The following ABCA1 variants were observed in gnomAD, a reference collection of about 807,000 sequenced individuals.
The protein encoded by ABCA1 is ATP binding cassette subfamily A member 1, also known as phospholipid-transporting ATPase ABCA1.
In ABCA1, 133 loss-of-function variants were observed where a neutral mutation model predicts 262.5. The observed-to-expected ratio is 0.51, with a 90% CI of 0.44 to 0.59. The LOEUF (loss-of-function observed/expected upper bound fraction) is 0.59, where lower values mean the gene tolerates loss of function less well. Among genes scored for constraint, ABCA1 ranks in the 20% least tolerant of loss-of-function variants. The pLI, the probability that ABCA1 is intolerant of heterozygous loss-of-function variation, is 0.00. For missense variants in ABCA1, 2,452 were observed against 2,777.5 expected, an observed-to-expected ratio of 0.88 and a Z score of 2.63; for synonymous variants, 1,022 against 1,043.5, an observed-to-expected ratio of 0.98 and a Z score of 0.40.
In ABCA1 at chr9:104,882,981, T is replaced by C; in HGVS notation, c.421+58A>G. ...GCCCCAGACACCTGGGCTACTCTCT[T>C]TCCCTGGTGCAGGTCAATTTCCAAT... On this transcript the variant is annotated intron_variant, in intron 5 of 49. Coordinates refer to ENST00000374736, the MANE Select transcript of ABCA1 (RefSeq NM_005502.4). The C allele has an allele frequency of 2.8e-6, 4 of 1,435,184 alleles. No homozygotes were observed. The South Asian group carries it at 3.4e-5, about 12-fold the overall frequency. The allele number at this position is 1,435,184 out of a possible 1,614,324, so 88.9% of individuals were successfully genotyped here.
intron 6 of ABCA1, among the ~76,000 whole-genome samples, chr9:104,859,622 C>T (rs1367792670): frequency 1.3e-5 from 2 of 152,202 alleles, no homozygotes; most frequent in African/African-American, 2.4e-5. Flanking sequence ...TACTGCAGAA[C>T]ATTTGGCCTA....
chr9:104,903,755 C>T lies in ABCA1; in HGVS notation c.-76G>A. ...GCGGCCAGAGCTCACAGCAGGGACG[C>T]CGTGGCTGGTCATTAACTGAAAGAT... On this transcript the variant is annotated 5_prime_UTR_variant, in exon 2 of 50. Coordinates refer to ENST00000374736, the MANE Select transcript of ABCA1 (RefSeq NM_005502.4). The T allele has an allele frequency of 1.5e-6, 2 of 1,344,604 alleles. No individual in the cohort carries two copies. The highest frequency in any genetic ancestry group is 2.1e-6 in the Non-Finnish European group (2 of 972,358). 83.3% of individuals were successfully genotyped at this position (1,344,604 alleles called of 1,614,324 possible).
At chr9:104,886,124 T>C (rs533625667) in intron 3 of ABCA1, among the ~76,000 whole-genome samples, 2 of 152,302 alleles carry the variant, frequency 1.3e-5, no homozygotes, top group South Asian at 2.1e-4. Context: ...AATGAGCCTA[T>C]GAGGATTTTC....
intron 5 of ABCA1, among the ~76,000 whole-genome samples, chr9:104,862,649 C>A (rs186086881): frequency 0.38 from 4,306 of 11,308 alleles, 875 homozygotes; most frequent in Middle Eastern, 0.5. Context: ...CGGGCCGGGC[C>A]GGGCCGGGCC....
intron 39 of ABCA1, among the ~76,000 whole-genome samples, 186 bp from the exon 40 acceptor site, chr9:104,794,696 T>C (rs1385772315): frequency 6.6e-6 from 1 of 152,172 alleles, no homozygotes; most frequent in Non-Finnish European, 1.5e-5. Context: ...GCATAGCTGA[T>C]GATATGTAGC....
chr9:104,817,248 C>T lies in ABCA1; in HGVS notation c.3535+84G>A, dbSNP rs1831855412. On this transcript the variant is annotated intron_variant, in intron 24 of 49. Transcript: ENST00000374736. The surrounding 1 kb of genome is among the most constrained non-coding windows in gnomAD (Gnocchi z 4.7). ...AACCTTGAGTCAGCGCCACCAGCCT[C>T]TGCACCTCTCCTCCTCTGCCTCCAC... is the stretch of plus-strand genomic sequence containing the variant. The T allele has an allele frequency of 4.3e-6, 7 of 1,611,336 alleles. No individual in the cohort carries two copies. Among genetic ancestry groups the T allele is most frequent in the Non-Finnish European group, 5.9e-6 (7 of 1,179,116 alleles).
chr9:104,795,590 G>C (rs571616631), intron 39 of ABCA1, among the ~76,000 whole-genome samples: 2 of 152,186 alleles, frequency 1.3e-5, no homozygotes, highest in Non-Finnish European at 2.9e-5. Flanking sequence ...ACATATCCAG[G>C]TTGGGGTATC....
intron 1 of ABCA1, among the ~76,000 whole-genome samples, chr9:104,925,912 GAGA>G (rs1352158407): frequency 6.6e-6 from 1 of 152,008 alleles, no homozygotes. Flanking sequence ...TGGTAGGTAT[GAGA>G]AGAATAGGTT....
rs1217570155 is a variant in ABCA1 at position 104,803,314 on chromosome 9, A to G, written c.4562T>C (p.Leu1521Ser). 2.5e-6 allele frequency: 4 copies of G among 1,614,078 alleles called. No individual in the cohort carries two copies. The highest frequency in any genetic ancestry group is 2.5e-6 in the Non-Finnish European group (3 of 1,180,018). Residue 1521 changes from leucine (L) to serine (S), a missense_variant and splice_region_variant, in exon 33 of 50, where the codon TTA (leucine) becomes TCA (serine). This residue lies in a region of ABCA1 where 752 missense variants were observed against 944.5 expected (regional missense o/e 0.80). Coordinates refer to ENST00000374736, the MANE Select transcript of ABCA1 (RefSeq NM_005502.4). ...KTYVQIIAKS[L>S]KNKIWVNEFR... ...CTCATTCACCCAGATCTTGTTCTTT[A>G]AGCTGCAGAGACAAAGAAACAAAAA...
intron 45 of ABCA1, 134 bp downstream of exon 45, chr9:104,788,292 A>G (rs1829104037): frequency 4.5e-6 from 6 of 1,345,408 alleles, no homozygotes. Context: ...GAAAGCAGAT[A>G]CAAAGAACCA....
At chr9:104,826,063 C>T (rs1419730552) in intron 16 of ABCA1, among the ~76,000 whole-genome samples, 176 bp from the exon 17 acceptor site, 1 of 152,184 alleles carries the variant, frequency 6.6e-6, no homozygotes, top group Non-Finnish European at 1.5e-5. Context: ...TACCAAGTAA[C>T]ATATAAAATG....
Position 104,880,921 on chromosome 9 carries a change from C to T in ABCA1, c.421+2118G>A, listed in dbSNP as rs539914556. On this transcript the variant is annotated intron_variant, in intron 5 of 49. Transcript: ENST00000374736. The stretch of plus-strand genomic sequence containing the variant: ...ATCCCAGCACTTTGGAAGGCCTAGG[C>T]GGGCAGATCACGAGGTTAGGAGATC... Among the ~76,000 whole-genome samples, 57 of 152,176 alleles carry T rather than the reference C, an allele frequency of 3.7e-4. No homozygotes were observed. In the South Asian group the frequency reaches 0.011, roughly 29 times the overall value.
intron 2 of ABCA1, among the ~76,000 whole-genome samples, chr9:104,894,815 C>A (rs1840060860): frequency 6.6e-6 from 1 of 152,254 alleles, no homozygotes; most frequent in Non-Finnish European, 1.5e-5. Context: ...TTCACACCAC[C>A]TGAGCCAGAG....
At chr9:104,841,969 G>A (rs192084421) in intron 8 of ABCA1, among the ~76,000 whole-genome samples, 74 of 152,278 alleles carry the variant, frequency 4.9e-4, no homozygotes, top group African/African-American at 1.5e-3. Context: ...TGTTCACACC[G>A]CCTGGGAAGA....
chr9:104,850,706 T>C (rs1018069608), intron 7 of ABCA1, among the ~76,000 whole-genome samples: 2 of 152,236 alleles, frequency 1.3e-5, no homozygotes, highest in African/African-American at 2.4e-5. Context: ...CTCCTGCTCA[T>C]GCTTACTTGA....
At chr9:104,832,042 A>G (rs1380765791) in intron 12 of ABCA1, among the ~76,000 whole-genome samples, 1 of 152,204 alleles carries the variant, frequency 6.6e-6, no homozygotes, top group Non-Finnish European at 1.5e-5. Context: ...ATTTAGGGAT[A>G]TGTTATTTAT....
At chr9:104,878,337 C>T (rs1838325686) in intron 5 of ABCA1, among the ~76,000 whole-genome samples, 1 of 152,196 alleles carries the variant, frequency 6.6e-6, no homozygotes, top group Non-Finnish European at 1.5e-5. Context: ...GTGGGTGAGG[C>T]ACCCTGTAAG....
intron 1 of ABCA1, among the ~76,000 whole-genome samples, chr9:104,916,410 G>T (rs1841845746): frequency 6.6e-6 from 1 of 152,124 alleles, no homozygotes; most frequent in Non-Finnish European, 1.5e-5. Flanking sequence ...ATTCAAATTG[G>T]ACCAACAGAC....
chr9:104,848,130 T>C (rs1445515520), intron 7 of ABCA1, among the ~76,000 whole-genome samples: 1 of 152,232 alleles, frequency 6.6e-6, no homozygotes, highest in Non-Finnish European at 1.5e-5. Context: ...AGCAGTGGTA[T>C]AGCTTCCCTT....
Sources: gnomAD v4.1 joint callset for allele counts (sites outside exome capture counted in the v4.1 genomes callset) on GRCh38, gnomAD v4.1.1 for gene constraint, gnomAD v4.1.1 regional missense constraint, Gnocchi (gnomAD v3.1) non-coding constraint, MANE v1.5 for transcripts, NCBI Gene and HGNC (gene_info 2026-07-23, HGNC 2026-07-21) for gene names.